Variants in OR9Q1 observed in about 807,000 individuals in gnomAD.
OR9Q1 encodes olfactory receptor 9Q1.
For synonymous variants in OR9Q1, 153 were observed against 148.6 expected (o/e 1.03, Z -0.22); for missense variants, 374 against 378.8 (o/e 0.99, Z 0.11).
chr11:58,108,003 C>T (rs1853858971), intron 2 of OR9Q1, among the ~76,000 whole-genome samples: 1 of 152,036 alleles, frequency 6.6e-6, no homozygotes, highest in African/African-American at 2.4e-5. Flanking sequence ...CAGTAATTGT[C>T]ATGAGGCAGG....
At chr11:58,131,180 G>A (rs1854137396) in intron 2 of OR9Q1, among the ~76,000 whole-genome samples, 1 of 152,084 alleles carries the variant, frequency 6.6e-6, no homozygotes, top group Admixed American at 6.6e-5. Context: ...CCTGAGTTAG[G>A]GGATTCAAAC....
At chr11:58,148,115 T>A (rs560925058) in intron 2 of OR9Q1, among the ~76,000 whole-genome samples, 1 of 152,292 alleles carries the variant, frequency 6.6e-6, no homozygotes, top group East Asian at 1.9e-4. Flanking sequence ...GAGGCCAAAG[T>A]ACTATGTTCT....
In OR9Q1 at chr11:58,090,710, A is replaced by G. The variant is rs558576934; in HGVS notation, c.-15+34763A>G. 2.0e-5 allele frequency among the ~76,000 whole-genome samples: 3 copies of G among 152,286 alleles called. No homozygotes were observed. The South Asian group carries it at 6.2e-4, about 32-fold the overall frequency. ...TTCTATTGTTTGGAATAGTTTTAGAAGGAATGGTACCAGCTCCTTTTTGTA... is the reference window on the plus strand; with the variant it reads ...TTCTATTGTTTGGAATAGTTTTAGAGGGAATGGTACCAGCTCCTTTTTGTA... On this transcript the variant is annotated intron_variant, in intron 2 of 2. Coordinates refer to ENST00000335397, the MANE Select transcript of OR9Q1 (RefSeq NM_001005212.4).
At chr11:58,056,172 G>T (rs1006639826) in intron 2 of OR9Q1, among the ~76,000 whole-genome samples, 2 of 152,154 alleles carry the variant, frequency 1.3e-5, no homozygotes, top group Non-Finnish European at 2.9e-5. Flanking sequence ...TGATTTCCCT[G>T]GTGTAAATAC....
At chr11:58,108,160 C>T (rs1590594035) in intron 2 of OR9Q1, among the ~76,000 whole-genome samples, 1 of 152,250 alleles carries the variant, frequency 6.6e-6, no homozygotes, top group East Asian at 1.9e-4. Context: ...AGCACCCTTT[C>T]CCTATCTATT....
intron 2 of OR9Q1, among the ~76,000 whole-genome samples, chr11:58,066,409 C>G (rs539306066): frequency 2.0e-5 from 3 of 152,068 alleles, no homozygotes; most frequent in Non-Finnish European, 4.4e-5. Context: ...GCTGGGGGTC[C>G]TTTGTTGTCA....
At chr11:58,036,553 C>G (rs1310674909) in intron 1 of OR9Q1, among the ~76,000 whole-genome samples, 3 of 152,148 alleles carry the variant, frequency 2.0e-5, no homozygotes, top group Non-Finnish European at 2.9e-5. Flanking sequence ...TCAAAATCTT[C>G]TGGAAAGGAT....
At chr11:58,118,454 ATAT>A in intron 2 of OR9Q1, 1 of 1,267,714 alleles carries the variant, frequency 7.9e-7, no homozygotes, top group Non-Finnish European at 1.1e-6. Flanking sequence ...GGATATATTC[ATAT>A]GGGAAGAAAG....
In OR9Q1 at chr11:58,076,144, G is replaced by A. The variant is rs371367200; in HGVS notation, c.-15+20197G>A. On this transcript the variant is annotated intron_variant, in intron 2 of 2. Coordinates refer to ENST00000335397, the MANE Select transcript of OR9Q1 (RefSeq NM_001005212.4). ...GGCCCTTTATGGAGAAAACTTTTTGGCCTCTGCTTTAAACCTAACTTTTAG... is the reference window on the plus strand; with the variant it reads ...GGCCCTTTATGGAGAAAACTTTTTGACCTCTGCTTTAAACCTAACTTTTAG... 1.1e-4 allele frequency among the ~76,000 whole-genome samples: 17 copies of A among 152,252 alleles called. No individual in the cohort carries two copies. In the South Asian group the frequency reaches 3.5e-3, roughly 32 times the overall value.
chr11:58,147,324 T>A (rs532995037), intron 2 of OR9Q1, among the ~76,000 whole-genome samples: 1 of 152,300 alleles, frequency 6.6e-6, no homozygotes, highest in South Asian at 2.1e-4. Context: ...TGTCCCTTCA[T>A]CAAAATGATC....
At chr11:58,119,610 CA>C in intron 2 of OR9Q1, 2 of 586,166 alleles carry the variant, frequency 3.4e-6, no homozygotes, top group Non-Finnish European at 3.0e-6. Flanking sequence ...TTTCCTTGGG[CA>C]TCTCTTGCAT....
intron 2 of OR9Q1, among the ~76,000 whole-genome samples, chr11:58,175,477 T>G (rs1854596823): frequency 6.6e-6 from 1 of 152,194 alleles, no homozygotes; most frequent in African/African-American, 2.4e-5. Flanking sequence ...GTAAGTAATC[T>G]TGCCCTAGTA....
intron 2 of OR9Q1, among the ~76,000 whole-genome samples, chr11:58,114,638 T>C (rs1317220013): frequency 2.6e-5 from 4 of 152,316 alleles, no homozygotes; most frequent in African/African-American, 9.6e-5. Flanking sequence ...TCTCTGTTGC[T>C]CTTTGGGGAA....
intron 2 of OR9Q1, among the ~76,000 whole-genome samples, chr11:58,148,963 T>C (rs952883575): frequency 6.6e-6 from 1 of 152,212 alleles, no homozygotes; most frequent in African/African-American, 2.4e-5. Context: ...CACTCATCTC[T>C]TCTTCAAAAA....
chr11:58,042,100 TTAAACCGTGC>T (rs1390427234), intron 1 of OR9Q1, among the ~76,000 whole-genome samples: 1 of 152,234 alleles, frequency 6.6e-6, no homozygotes, highest in Non-Finnish European at 1.5e-5. Flanking sequence ...GATTCTCTTT[TTAAACCGTGC>T]TACCCTTCTC....
intron 2 of OR9Q1, among the ~76,000 whole-genome samples, chr11:58,172,536 T>C (rs1279070436): frequency 5.9e-5 from 9 of 152,188 alleles, no homozygotes; most frequent in Non-Finnish European, 1.3e-4. Flanking sequence ...TTGGTATTAT[T>C]ATTGCCAATT....
At chr11:58,118,019 A>G (rs1853975405) in intron 2 of OR9Q1, 1 of 152,582 alleles carries the variant, frequency 6.6e-6, no homozygotes, top group Non-Finnish European at 1.5e-5. Flanking sequence ...CTTATACAAT[A>G]CTCCCTGCTT....
At chr11:58,110,454 A>G (rs1448839043) in intron 2 of OR9Q1, among the ~76,000 whole-genome samples, 1 of 152,162 alleles carries the variant, frequency 6.6e-6, no homozygotes, top group Non-Finnish European at 1.5e-5. Context: ...ATTCTGTGAA[A>G]CCATTAGGTT....
At chr11:58,030,439 T>C (rs1234135185) in intron 1 of OR9Q1, among the ~76,000 whole-genome samples, 6 of 152,204 alleles carry the variant, frequency 3.9e-5, no homozygotes, top group Non-Finnish European at 7.3e-5. Flanking sequence ...TTATCTAACT[T>C]ACATTTTCAC....
Sources: allele counts gnomAD v4.1 joint callset (sites outside exome capture counted in the v4.1 genomes callset), GRCh38; gene constraint gnomAD v4.1.1; transcripts MANE v1.5; gene names NCBI Gene and HGNC (gene_info 2026-07-23, HGNC 2026-07-21).